The following CCSER1 variants were observed in gnomAD, a reference collection of about 807,000 sequenced individuals.
The protein encoded by CCSER1 is coiled-coil serine rich protein 1.
In CCSER1, 41 loss-of-function variants were observed where a neutral mutation model predicts 82.0. The ratio of observed to expected loss-of-function variants is 0.50; its 90% CI spans 0.39 to 0.65. The LOEUF (loss-of-function observed/expected upper bound fraction) is 0.65. Among genes scored for constraint, CCSER1 ranks in the 30% least tolerant of loss-of-function variants. CCSER1 has a pLI of 0.00. For missense variants in CCSER1, 1,119 were observed against 1,064.2 expected, an observed-to-expected ratio of 1.05 and a Z score of -0.72; for synonymous variants, 414 against 383.9, an observed-to-expected ratio of 1.08 and a Z score of -0.92.
intron 5 of CCSER1, among the ~76,000 whole-genome samples, chr4:90,489,559 T>C (rs1303575281): frequency 6.6e-6 from 1 of 152,184 alleles, no homozygotes. Context: ...CTAGGGTACA[T>C]GTGCACAATG....
intron 1 of CCSER1, among the ~76,000 whole-genome samples, chr4:90,216,831 G>A (rs1165346029): frequency 2.6e-5 from 4 of 152,064 alleles, no homozygotes; most frequent in African/African-American, 9.7e-5. Flanking sequence ...TGGTCACTTG[G>A]CAACCAACAG....
intron 5 of CCSER1, among the ~76,000 whole-genome samples, chr4:90,605,960 A>T (rs1471925611): frequency 2.0e-5 from 3 of 152,128 alleles, no homozygotes; most frequent in Non-Finnish European, 4.4e-5. Context: ...GATACTTTTT[A>T]TAATTTTCTT....
intron 10 of CCSER1, among the ~76,000 whole-genome samples, chr4:91,165,369 C>T (rs1339339514): frequency 6.6e-6 from 1 of 152,074 alleles, no homozygotes; most frequent in Non-Finnish European, 1.5e-5. Context: ...GTCAGTTGGC[C>T]CCTACTGGGA....
chr4:90,303,049 T>G (rs1206674392), intron 1 of CCSER1, among the ~76,000 whole-genome samples: 1 of 152,136 alleles, frequency 6.6e-6, no homozygotes, highest in Non-Finnish European at 1.5e-5. Context: ...AAGTTCATAT[T>G]AAAAATAAAA....
rs1204111272 is a variant in CCSER1 at position 91,523,199 on chromosome 4, C to G, written c.2218-75373C>G. Among the ~76,000 whole-genome samples the G allele has an allele frequency of 2.0e-5, 3 of 152,098 alleles. No homozygotes were observed. The East Asian group carries it at 5.8e-4, about 29-fold the overall frequency. On this transcript the variant is annotated intron_variant, in intron 10 of 10. Transcript: ENST00000509176. ...GTTTATTGATTTGCATATGTTGAAC[C>G]AGCCTTGCATCCCAGAAATGAAGCT... is the stretch of plus-strand genomic sequence containing the variant.
intron 9 of CCSER1, among the ~76,000 whole-genome samples, chr4:91,010,226 T>C (rs1304791088): frequency 6.6e-6 from 1 of 152,196 alleles, no homozygotes; most frequent in Non-Finnish European, 1.5e-5. Flanking sequence ...ACAATGAATA[T>C]GTAATCTCAT....
intron 1 of CCSER1, among the ~76,000 whole-genome samples, chr4:90,189,616 C>A (rs796142840): frequency 3.5e-4 from 53 of 151,520 alleles, no homozygotes; most frequent in African/African-American, 1.3e-3. Context: ...CGTAATGTTC[C>A]TTTTTTCTTA....
At chr4:90,840,925 T>C (rs2149872681) in intron 8 of CCSER1, among the ~76,000 whole-genome samples, 1 of 152,242 alleles carries the variant, frequency 6.6e-6, no homozygotes, top group Middle Eastern at 3.4e-3. Context: ...AAATTGCAAG[T>C]AGACAGTATC....
chr4:91,120,279 T>G (rs1044344991), intron 10 of CCSER1, among the ~76,000 whole-genome samples: 3 of 151,964 alleles, frequency 2.0e-5, no homozygotes, highest in African/African-American at 4.8e-5. Flanking sequence ...TGGAGCAAAG[T>G]GTGGCTGTGG....
chr4:91,125,730 T>A (rs1727453949), intron 10 of CCSER1, among the ~76,000 whole-genome samples: 1 of 151,782 alleles, frequency 6.6e-6, no homozygotes, highest in Non-Finnish European at 1.5e-5. Flanking sequence ...AAAAAGGGTA[T>A]ACATTTTCAA....
chr4:90,982,183 G>C (rs2150423940), intron 9 of CCSER1, among the ~76,000 whole-genome samples: 1 of 151,920 alleles, frequency 6.6e-6, no homozygotes, highest in South Asian at 2.1e-4. Context: ...CTGGCAGACT[G>C]GTATCTGGTG....
chr4:90,707,529 TA>T (rs75961345), intron 6 of CCSER1, among the ~76,000 whole-genome samples: 27,687 of 144,586 alleles, frequency 0.19, 2,841 homozygotes, highest in East Asian at 0.29. Context: ...ATTTCTACCT[TA>T]AAAAAAAAAT....
intron 9 of CCSER1, among the ~76,000 whole-genome samples, chr4:91,068,516 GATTT>G (rs1368050917): frequency 6.6e-6 from 1 of 152,076 alleles, no homozygotes; most frequent in African/African-American, 2.4e-5. Context: ...AACACAATCT[GATTT>G]ATTTGTTTAA....
intron 1 of CCSER1, among the ~76,000 whole-genome samples, chr4:90,301,283 T>C (rs923663120): frequency 1.3e-5 from 2 of 152,184 alleles, no homozygotes; most frequent in Non-Finnish European, 2.9e-5. Context: ...GAAATTTGAC[T>C]CTAATTTTAT....
At chr4:91,370,648 A>T (rs1578288080) in intron 10 of CCSER1, among the ~76,000 whole-genome samples, 1 of 152,076 alleles carries the variant, frequency 6.6e-6, no homozygotes, top group East Asian at 1.9e-4. Flanking sequence ...GTGAGCCGAG[A>T]TCATGCCATT....
chr4:91,402,309 G>A (rs534560873), intron 10 of CCSER1, among the ~76,000 whole-genome samples: 5 of 151,982 alleles, frequency 3.3e-5, no homozygotes, highest in Non-Finnish European at 7.4e-5. Flanking sequence ...TTGTCAGATG[G>A]GTAGATTGTA....
intron 10 of CCSER1, among the ~76,000 whole-genome samples, chr4:91,184,882 G>A (rs1212085882): frequency 1.3e-5 from 2 of 152,140 alleles, no homozygotes; most frequent in African/African-American, 4.8e-5. Context: ...GCTCCTCATT[G>A]TTGTAATAAA....
chr4:91,538,698 C>CATATATTATATATATATACATATTATAT, intron 10 of CCSER1, among the ~76,000 whole-genome samples: 2 of 138,340 alleles, frequency 1.4e-5, no homozygotes, highest in Non-Finnish European at 3.1e-5. Context: ...TATATATACA[C>CATATATTATATATATATACATATTATAT]ATATATATAT....
intron 10 of CCSER1, among the ~76,000 whole-genome samples, chr4:91,462,152 T>G (rs1048560885): frequency 1.3e-5 from 2 of 152,132 alleles, no homozygotes; most frequent in East Asian, 3.9e-4. Flanking sequence ...AATCATGAAT[T>G]CTGAAGTAAC....
Sources: gnomAD v4.1 joint callset for allele counts (sites outside exome capture counted in the v4.1 genomes callset) on GRCh38, gnomAD v4.1.1 for gene constraint, MANE v1.5 for transcripts, NCBI Gene and HGNC (gene_info 2026-07-23, HGNC 2026-07-21) for gene names.